Variants in CREB3L1 observed in about 807,000 individuals in gnomAD.
CREB3L1 encodes cAMP responsive element binding protein 3 like 1, also known as cyclic AMP-responsive element-binding protein 3-like protein 1.
Under a neutral mutation model 54.5 loss-of-function variants are expected in CREB3L1, and 33 were observed. That is an observed-to-expected ratio of 0.61 (90% CI 0.46 to 0.81). The LOEUF (loss-of-function observed/expected upper bound fraction) is 0.81. CREB3L1 is among the 30% of genes least tolerant of loss of function. The pLI, the probability that CREB3L1 is intolerant of heterozygous loss-of-function variation, is 0.00. For synonymous variants in CREB3L1, 284 were observed against 286.4 expected (o/e 0.99, Z 0.08); for missense variants, 656 against 673.3 (o/e 0.97, Z 0.29).
intron 2 of CREB3L1, among the ~76,000 whole-genome samples, chr11:46,301,449 C>A (rs975049234): frequency 6.6e-6 from 1 of 151,450 alleles, no homozygotes; most frequent in Non-Finnish European, 1.5e-5. Flanking sequence ...ACCAGCCTGG[C>A]GAACGTGATA....
chr11:46,319,388 C>T (rs1188461419), intron 10 of CREB3L1, among the ~76,000 whole-genome samples: 1 of 152,202 alleles, frequency 6.6e-6, no homozygotes, highest in Non-Finnish European at 1.5e-5. Context: ...CTTCAGCTGC[C>T]TCCTCTGGGA....
chr11:46,308,212 C>T (rs1370878124), intron 3 of CREB3L1, among the ~76,000 whole-genome samples: 1 of 152,112 alleles, frequency 6.6e-6, no homozygotes, highest in African/African-American at 2.4e-5. Context: ...AGCCACAGCC[C>T]CCTTGGAGTA....
intron 1 of CREB3L1, among the ~76,000 whole-genome samples, chr11:46,287,452 C>T (rs973995431): frequency 6.6e-6 from 1 of 152,044 alleles, no homozygotes; most frequent in Non-Finnish European, 1.5e-5. Flanking sequence ...GGACATACCA[C>T]CATGTCTGGC....
chr11:46,312,723 C>T, intron 7 of CREB3L1, 53 bp downstream of exon 7: 1 of 1,575,012 alleles, frequency 6.3e-7, no homozygotes, highest in South Asian at 1.2e-5. Flanking sequence ...ACCTGCCCTC[C>T]CCTAGGCCCT....
intron 8 of CREB3L1, chr11:46,315,754 G>A (rs899401296): frequency 5.8e-5 from 10 of 172,714 alleles, no homozygotes; most frequent in Non-Finnish European, 1.1e-4. Context: ...CCTCGGAGGC[G>A]GAGGTTGCAG....
At chr11:46,292,382 CCAGT>C (rs1318849405) in intron 1 of CREB3L1, among the ~76,000 whole-genome samples, 1 of 152,196 alleles carries the variant, frequency 6.6e-6, no homozygotes, top group Non-Finnish European at 1.5e-5. Context: ...ACACACTCAT[CCAGT>C]CAGTCAGTCA....
In CREB3L1 at chr11:46,310,019, A is replaced by T. The variant is rs769465476; in HGVS notation, c.547A>T (p.Ile183Phe). ...APGEMTQLPV[I>F]KAEPLEVNQF... Reference sequence around the variant, plus strand: ...GGGAGAGATGACTCAGCTGCCAGTGATCAAAGCAGAGCCTCTGGAGGTGAA... The same window carrying T: ...GGGAGAGATGACTCAGCTGCCAGTGTTCAAAGCAGAGCCTCTGGAGGTGAA... Residue 183 changes from isoleucine (I) to phenylalanine (F), a missense_variant, in exon 4 of 12, where the codon ATC becomes TTC. Ile to Phe is a conservative substitution (Grantham distance 21). Around this residue, in one of 3 missense-constraint regions of CREB3L1, gnomAD observed 339 missense variants for 331.5 expected, o/e 1.02. Transcript: ENST00000621158. 1.3e-5 allele frequency: 21 copies of T among 1,604,428 alleles called. No homozygotes were observed. The East Asian group carries it at 2.5e-4, about 19-fold the overall frequency.
chr11:46,308,073 A>G, intron 3 of CREB3L1, 73 bp downstream of exon 3: 1 of 1,316,306 alleles, frequency 7.6e-7, no homozygotes, highest in Non-Finnish European at 1.0e-6. Flanking sequence ...GAGGTGCCCA[A>G]AGCCCTGTGC....
In CREB3L1 at chr11:46,321,123, A is replaced by C; in HGVS notation, c.*377A>C. 2.2e-6 allele frequency: 1 copy of C among 448,132 alleles called. No individual in the cohort carries two copies. Among genetic ancestry groups the C allele is most frequent in the Non-Finnish European group, 4.1e-6 (1 of 241,230 alleles). The allele number at this position is 448,132 out of a possible 1,614,324, so 27.8% of individuals were successfully genotyped here. A position where few individuals can be genotyped will look rare whatever the true frequency, so the allele number is the denominator to read the frequency against. On this transcript the variant is annotated 3_prime_UTR_variant, in exon 12 of 12. Coordinates refer to ENST00000621158, the MANE Select transcript of CREB3L1 (RefSeq NM_052854.4). ...CACCCCCACTGTACAGAGACCAAGA[A>C]CAGAAATTGTTTGTAAATAATGAAC...
intron 1 of CREB3L1, among the ~76,000 whole-genome samples, chr11:46,296,955 T>G (rs530398584): frequency 1.3e-5 from 2 of 152,290 alleles, no homozygotes; most frequent in Admixed American, 6.5e-5. Flanking sequence ...GCCAAGGCCT[T>G]CAGGGAGTCC....
chr11:46,319,371 C>T (rs1414365980), intron 10 of CREB3L1, among the ~76,000 whole-genome samples: 1 of 152,192 alleles, frequency 6.6e-6, no homozygotes, highest in African/African-American at 2.4e-5. Flanking sequence ...TCCCTGAGTG[C>T]CTGGAACTTC....
chr11:46,317,448 G>A lies in CREB3L1; in HGVS notation c.1219G>A (p.Asp407Asn), dbSNP rs1455344143. The A allele has an allele frequency of 6.2e-7, 1 of 1,612,986 alleles. No individual in the cohort carries two copies. The change falls in exon 10 of 12, where the codon GAC (aspartate) becomes AAC (asparagine). Residue 407 changes from aspartate to asparagine, a missense_variant. Around this residue, in one of 3 missense-constraint regions of CREB3L1, gnomAD observed 240 missense variants for 219.8 expected, o/e 1.09. Transcript: ENST00000621158. ...FSSGSQTVKE[D>N]PLAADGVYTA... is the part of the protein sequence containing the mutation. ...CTCCGGCTCCCAGACTGTGAAGGAAGACCCCCTGGCCGCAGACGGCGTCTA... is the reference window on the plus strand; with the variant it reads ...CTCCGGCTCCCAGACTGTGAAGGAAAACCCCCTGGCCGCAGACGGCGTCTA...
chr11:46,293,396 T>A (rs1939158785), intron 1 of CREB3L1, among the ~76,000 whole-genome samples: 1 of 152,126 alleles, frequency 6.6e-6, no homozygotes, highest in African/African-American at 2.4e-5. Flanking sequence ...ATGGGCTGCC[T>A]GGTAAGAAGA....
chr11:46,307,354 T>C (rs936698392), intron 2 of CREB3L1, among the ~76,000 whole-genome samples: 2 of 152,210 alleles, frequency 1.3e-5, no homozygotes, highest in Non-Finnish European at 2.9e-5. Flanking sequence ...CTTCCCAAAG[T>C]GCTGGGATTA....
intron 1 of CREB3L1, among the ~76,000 whole-genome samples, chr11:46,287,779 C>G (rs1043368467): frequency 6.6e-6 from 1 of 151,978 alleles, no homozygotes; most frequent in African/African-American, 2.4e-5. Context: ...AGTTTGAGAA[C>G]AGCCTGACCA....
intron 8 of CREB3L1, among the ~76,000 whole-genome samples, chr11:46,313,931 G>A (rs1939529704): frequency 6.6e-6 from 1 of 152,104 alleles, no homozygotes; most frequent in Admixed American, 6.6e-5. Flanking sequence ...TCTAAATGGG[G>A]ATGATAGAAA....
chr11:46,317,497 C>T lies in CREB3L1; in HGVS notation c.1258+10C>T, dbSNP rs377519160. On this transcript the variant is annotated intron_variant, in intron 10 of 11. Coordinates refer to ENST00000621158, the MANE Select transcript of CREB3L1 (RefSeq NM_052854.4). ...TACACGGCCAGCCAGAGTGAGTGCC[C>T]GCCTGTCATGCCAGCTCCCTGGGCT... is the stretch of plus-strand genomic sequence containing the variant. 5.6e-5 allele frequency: 90 copies of T among 1,606,740 alleles called. No individual in the cohort carries two copies. The highest frequency in any genetic ancestry group is 1.5e-4 in the South Asian group (14 of 91,040).
At chr11:46,310,684 G>C (rs1475748057) in intron 4 of CREB3L1, among the ~76,000 whole-genome samples, 1 of 152,032 alleles carries the variant, frequency 6.6e-6, no homozygotes, top group Non-Finnish European at 1.5e-5. Context: ...AGAGCTTAGT[G>C]ATCTTCTGGA....
intron 2 of CREB3L1, among the ~76,000 whole-genome samples, chr11:46,305,077 G>A (rs1227913587): frequency 1.3e-5 from 2 of 152,052 alleles, no homozygotes; most frequent in African/African-American, 4.8e-5. Flanking sequence ...ACCACAGCAG[G>A]CCCCAAAGTC....
Sources: gnomAD v4.1 joint callset for allele counts (sites outside exome capture counted in the v4.1 genomes callset) on GRCh38, gnomAD v4.1.1 for gene constraint, gnomAD v4.1.1 regional missense constraint, MANE v1.5 for transcripts, NCBI Gene and HGNC (gene_info 2026-07-23, HGNC 2026-07-21) for gene names.